Variants in RAD51AP2 observed in about 807,000 individuals in gnomAD.
RAD51AP2 encodes the protein RAD51-associated protein 2.
In RAD51AP2, 67 loss-of-function variants were observed where a neutral mutation model predicts 85.5. The ratio of observed to expected loss-of-function variants is 0.78; its 90% CI spans 0.64 to 0.96. The LOEUF (loss-of-function observed/expected upper bound fraction) is 0.96. Among genes scored for constraint, RAD51AP2 ranks in the 40% least tolerant of loss-of-function variants. The pLI is 0.00. For synonymous variants in RAD51AP2, 474 were observed against 446.5 expected, an observed-to-expected ratio of 1.06 and a Z score of -0.78; for missense variants, 1,307 against 1,332.4, an observed-to-expected ratio of 0.98 and a Z score of 0.30.
At chr2:17,534,185 T>C in the RAD51AP2 span, among the ~76,000 whole-genome samples, 3 of 152,350 alleles carry the variant, frequency 2.0e-5, no homozygotes, top group Admixed American at 6.5e-5. Context: ...AAATTTTCCA[T>C]GGTATTTTAG....
At position 17,515,772 on chromosome 2, in the gene RAD51AP2, C is replaced by T. The variant is rs1403466975; in HGVS notation, c.2644G>A (p.Glu882Lys). ...SVQSVSLISK[E>K]VNVEENKYVN... ...TATTTATTTTCTTCCACATTTACTTCCTTACTTATTAATGAAACTGACTGT... is the reference window on the plus strand; with the variant it reads ...TATTTATTTTCTTCCACATTTACTTTCTTACTTATTAATGAAACTGACTGT... Residue 882 changes from glutamate (E) to lysine (K), a missense_variant, in exon 1 of 3, where the codon GAA becomes AAA. Physicochemically the swap from Glu to Lys is moderately conservative, Grantham distance 56. Transcript: ENST00000399080. 2 of 1,597,616 alleles carry T rather than the reference C, an allele frequency of 1.3e-6. No homozygotes were observed. The highest frequency in any genetic ancestry group is 1.7e-5 in the Admixed American group (1 of 58,038).
rs145351133 is a variant in RAD51AP2, at chr2:17,513,679, C to G, written c.3328+333G>C. ...CAATGAGAAGCATAGAGCATGCTCT[C>G]TATCAGAGAGCATGGTCCCTATTAC... On this transcript the variant is annotated intron_variant, in intron 2 of 2. Coordinates refer to ENST00000399080, the MANE Select transcript of RAD51AP2 (RefSeq NM_001099218.3). Among the ~76,000 whole-genome samples the G allele has an allele frequency of 2.8e-3, 433 of 152,270 alleles. 3 individuals are homozygous for G. The highest frequency in any genetic ancestry group is 9.7e-3 in the African/African-American group (402 of 41,542).
intron 1 of RAD51AP2, among the ~76,000 whole-genome samples, chr2:17,514,401 AAC>A (rs1473589905): frequency 1.2e-4 from 19 of 152,236 alleles, no homozygotes; most frequent in East Asian, 1.9e-4. Context: ...CATTCAAGAA[AAC>A]ACACAGACTC....
intron 1 of RAD51AP2, 87 bp downstream of exon 1, chr2:17,515,082 G>T: frequency 4.8e-6 from 5 of 1,047,236 alleles, no homozygotes; most frequent in Admixed American, 3.1e-5. Flanking sequence ...TTCCTTCTTT[G>T]TTGTCAAAAT....
At chr2:17,518,470 A>G (rs532268322), upstream of RAD51AP2, 3 of 1,564,520 alleles carry the variant, frequency 1.9e-6, no homozygotes, top group East Asian at 2.2e-5. Flanking sequence ...ATCCCTTAAT[A>G]GGCGGTTCCG....
In RAD51AP2 at chr2:17,517,433, T is replaced by C. The variant is rs1285030617; in HGVS notation, c.983A>G (p.Glu328Gly). The change falls in exon 1 of 3, where the codon GAA becomes GGA. Residue 328 changes from glutamate to glycine, a missense_variant. Coordinates refer to ENST00000399080, the MANE Select transcript of RAD51AP2 (RefSeq NM_001099218.3). Reference protein sequence around the residue: ...EAENIFSKCYENDYPSLSSQN... With the variant: ...EAENIFSKCYGNDYPSLSSQN... Reference sequence around the variant, plus strand: ...GCTACTGAGTGATGGGTAGTCATTTTCATAACATTTGGAAAAAATGTTTTC... The same window carrying C: ...GCTACTGAGTGATGGGTAGTCATTTCCATAACATTTGGAAAAAATGTTTTC... 3 of 1,613,664 alleles carry C rather than the reference T, an allele frequency of 1.9e-6. No homozygotes were observed. Among genetic ancestry groups the C allele is most frequent in the Non-Finnish European group, 2.5e-6 (3 of 1,179,972 alleles).
At chr2:17,514,879 T>G (rs897867903) in intron 1 of RAD51AP2, among the ~76,000 whole-genome samples, 1 of 151,968 alleles carries the variant, frequency 6.6e-6, no homozygotes, top group African/African-American at 2.4e-5. Context: ...TAAATGCTAT[T>G]GTGGAATTAA....
At chr2:17,519,290 T>A (rs1032073415), upstream of RAD51AP2, among the ~76,000 whole-genome samples, 4 of 143,044 alleles carry the variant, frequency 2.8e-5, no homozygotes, top group African/African-American at 9.8e-5. Flanking sequence ...GCTTTGAGAA[T>A]CATTTATGAT....
Position 17,515,578 on chromosome 2 carries a change from TA to T in RAD51AP2, c.2837del (p.Leu946Ter). ...CTTCTGTTGATAAATATTTAGCAGCTAAGTCCTGAAAACATTCATCATTCCC... is the reference window on the plus strand; with the variant it reads ...CTTCTGTTGATAAATATTTAGCAGCTAGTCCTGAAAACATTCATCATTCCC... ...SEGNDECFQD[L>X]AAKYLSTEAL... is the part of the protein sequence containing the mutation. On this transcript the variant is annotated frameshift_variant, in exon 1 of 3. Coordinates refer to ENST00000399080, the MANE Select transcript of RAD51AP2 (RefSeq NM_001099218.3). LOFTEE classifies it high-confidence loss of function. 1.2e-6 allele frequency: 2 copies of T among 1,609,616 alleles called. No individual in the cohort carries two copies. The highest frequency in any genetic ancestry group is 1.7e-6 in the Non-Finnish European group (2 of 1,178,578).
At chr2:17,537,493 G>A in the RAD51AP2 span, among the ~76,000 whole-genome samples, 2 of 151,732 alleles carry the variant, frequency 1.3e-5, no homozygotes, top group African/African-American at 2.4e-5. Context: ...CTTCAATTCC[G>A]GTCTCTTTTC....
the RAD51AP2 span, among the ~76,000 whole-genome samples, chr2:17,532,047 T>TG: frequency 0.035 from 5,292 of 151,148 alleles, 336 homozygotes; most frequent in African/African-American, 0.12. Flanking sequence ...AAAGCCGGGG[T>TG]GGGGGGGGAA....
Position 17,517,520 on chromosome 2 carries a change from G to C in RAD51AP2, c.896C>G (p.Ser299Cys). The change falls in exon 1 of 3, where the codon TCC (serine) becomes TGC (cysteine). Residue 299 changes from serine to cysteine, a missense_variant. This residue lies in a region of RAD51AP2 where 635 missense variants were observed against 643.6 expected (regional missense o/e 0.99). Coordinates refer to ENST00000399080, the MANE Select transcript of RAD51AP2 (RefSeq NM_001099218.3). ...CTTCTTAACATCAGGTCTATTTTGG[G>C]ACCAGTAAATGTTTGTGAAATCCCT... is the stretch of plus-strand genomic sequence containing the variant. ...YVRDFTNIYW[S>C]QNRPDVKKQK... The C allele has an allele frequency of 6.2e-7, 1 of 1,613,554 alleles. No individual in the cohort carries two copies. The highest frequency in any genetic ancestry group is 8.5e-7 in the Non-Finnish European group (1 of 1,179,826).
rs1662467108 is a variant in RAD51AP2, at chr2:17,510,728, C to A, written c.*76G>T. 5 of 1,043,660 alleles carry A rather than the reference C, an allele frequency of 4.8e-6. No homozygotes were observed. The highest frequency in any genetic ancestry group is 6.6e-6 in the Non-Finnish European group (5 of 761,614). 64.6% of individuals were successfully genotyped at this position (1,043,660 alleles called of 1,614,324 possible). A position where few individuals can be genotyped will look rare whatever the true frequency, so the allele number is the denominator to read the frequency against. On this transcript the variant is annotated 3_prime_UTR_variant, in exon 3 of 3. Coordinates refer to ENST00000399080, the MANE Select transcript of RAD51AP2 (RefSeq NM_001099218.3). ...CTTTATAATAAAGCAAGCCCCAAAC[C>A]CCCAAGCTGGAAGAACATATATCCA...
upstream of RAD51AP2, chr2:17,518,442 A>C: frequency 6.3e-7 from 1 of 1,592,484 alleles, no homozygotes; most frequent in Admixed American, 1.7e-5. Context: ...GATCTGTCCG[A>C]GTCCCGGCGG....
the RAD51AP2 span, among the ~76,000 whole-genome samples, chr2:17,534,782 C>A: frequency 6.6e-6 from 1 of 152,036 alleles, no homozygotes; most frequent in Non-Finnish European, 1.5e-5. Flanking sequence ...AGTAAAAGTC[C>A]TTGAAAAATC....
At position 17,516,008 on chromosome 2, in the gene RAD51AP2, T is replaced by G. The variant is rs375062111; in HGVS notation, c.2408A>C (p.Asn803Thr). ...AIPASHNIIH[N>T]EETHTTSITQ... ...TATAGAAGTGGTATGGGTCTCTTCA[T>G]TATGTATTATGTTGTGGCTTGCTGG... The change falls in exon 1 of 3, where the codon AAT becomes ACT. Residue 803 changes from asparagine to threonine, a missense_variant. Physicochemically the swap from Asn to Thr is moderately conservative, Grantham distance 65. Coordinates refer to ENST00000399080, the MANE Select transcript of RAD51AP2 (RefSeq NM_001099218.3). 1.2e-6 allele frequency: 2 copies of G among 1,613,814 alleles called. No individual in the cohort carries two copies. The highest frequency in any genetic ancestry group is 2.7e-5 in the African/African-American group (2 of 75,048).
At position 17,510,921 on chromosome 2, in the gene RAD51AP2, T is replaced by C; in HGVS notation, c.3363A>G (p.Arg1121=). Residue 1121 remains arginine, a synonymous_variant, in exon 3 of 3, where the codon CGA becomes CGG. Coordinates refer to ENST00000399080, the MANE Select transcript of RAD51AP2 (RefSeq NM_001099218.3). ...SHFPHGISRV[R]PLKTCSRPIR... is the part of the protein sequence containing the mutation. ...TTGGCCTACTGCATGTCTTAAGCGG[T>C]CGTACTCTTGAAATGCCATGTGGAA... The C allele has an allele frequency of 1.2e-6, 2 of 1,602,850 alleles. No homozygotes were observed. Among genetic ancestry groups the C allele is most frequent in the Non-Finnish European group, 1.7e-6 (2 of 1,174,868 alleles).
Position 17,517,014 on chromosome 2 carries a change from C to T in RAD51AP2, c.1402G>A (p.Gly468Ser), listed in dbSNP as rs1358494270. ...GTCGTTATTAAAGCTGTCTGACTACCTAATATTTCTCTTACGAGAAGCTTT... is the reference window on the plus strand; with the variant it reads ...GTCGTTATTAAAGCTGTCTGACTACTTAATATTTCTCTTACGAGAAGCTTT... ...QSKLLVREIL[G>S]SQTALITTVW... The change falls in exon 1 of 3, where the codon GGT becomes AGT. Residue 468 changes from glycine (G) to serine (S), a missense_variant. This residue lies in a region of RAD51AP2 where 635 missense variants were observed against 643.6 expected (regional missense o/e 0.99). Transcript: ENST00000399080. 6.2e-6 allele frequency: 10 copies of T among 1,603,074 alleles called. No individual in the cohort carries two copies. The highest frequency in any genetic ancestry group is 8.5e-6 in the Non-Finnish European group (10 of 1,177,056).
chr2:17,520,302 T>G (rs1031105286), upstream of RAD51AP2, among the ~76,000 whole-genome samples: 6 of 152,048 alleles, frequency 3.9e-5, no homozygotes, highest in Non-Finnish European at 8.8e-5. Context: ...TTTATGTGGG[T>G]TTTTTCCTTT....
Sources: gnomAD v4.1 joint callset for allele counts (sites outside exome capture counted in the v4.1 genomes callset) on GRCh38, gnomAD v4.1.1 for gene constraint, gnomAD v4.1.1 regional missense constraint, MANE v1.5 for transcripts, NCBI Gene and HGNC (gene_info 2026-07-23, HGNC 2026-07-21) for gene names.